Variants in CACNA2D4 observed in about 807,000 individuals in gnomAD.
CACNA2D4 encodes the protein voltage-dependent calcium channel subunit alpha-2/delta-4.
In CACNA2D4, 157 loss-of-function variants were observed where a neutral mutation model predicts 163.8. The ratio of observed to expected loss-of-function variants is 0.96; its 90% CI spans 0.84 to 1.09. The LOEUF is 1.09. CACNA2D4 is among the 50% of genes least tolerant of loss of function. The pLI is 0.00. For missense variants in CACNA2D4, 1,410 were observed against 1,479.9 expected, an observed-to-expected ratio of 0.95 and a Z score of 0.78; for synonymous variants, 598 against 586.9, an observed-to-expected ratio of 1.02 and a Z score of -0.27.
rs1255534327 is a variant in CACNA2D4, at chr12:1,792,190, A to C, written c.*1465T>G. The C allele has an allele frequency of 6.6e-6, 1 of 151,328 alleles. No homozygotes were observed. Among genetic ancestry groups the C allele is most frequent in the African/African-American group, 2.4e-5 (1 of 41,342 alleles). 9.4% of individuals were successfully genotyped at this position (151,328 alleles called of 1,614,324 possible). A position where few individuals can be genotyped will look rare whatever the true frequency, so the allele number is the denominator to read the frequency against. On this transcript the variant is annotated 3_prime_UTR_variant, in exon 38 of 38. Coordinates refer to ENST00000382722, the MANE Select transcript of CACNA2D4 (RefSeq NM_172364.5). ...ATGTTATTTGGTACATGTAAACCTTAGCTGTTCTAGCATTATTCTGCCACT... is the reference window on the plus strand; with the variant it reads ...ATGTTATTTGGTACATGTAAACCTTCGCTGTTCTAGCATTATTCTGCCACT...
At chr12:1,915,112 T>TAC (rs1866934842) in intron 1 of CACNA2D4, 177 bp from the exon 2 acceptor site, 1 of 705,462 alleles carries the variant, frequency 1.4e-6, no homozygotes, top group Non-Finnish European at 2.6e-6. Flanking sequence ...CACACACACG[T>TAC]ACACACACAT....
chr12:1,849,171 C>T (rs958541374), intron 23 of CACNA2D4, among the ~76,000 whole-genome samples: 71 of 152,312 alleles, frequency 4.7e-4, no homozygotes, highest in African/African-American at 1.3e-3. Context: ...GCACTTGCTG[C>T]GGTGGGCCCT....
In CACNA2D4 at chr12:1,793,678, G is replaced by C; in HGVS notation, c.3391C>G (p.Leu1131Val). Residue 1131 changes from leucine (L) to valine (V), a missense_variant, in exon 38 of 38, where the codon CTA becomes GTA. Leu to Val is a conservative substitution (Grantham distance 32). Transcript: ENST00000382722. ...LLLLPVCAWG[L>V]LPQLLR The stretch of plus-strand genomic sequence containing the variant: ...TGTCACCGCAGGAGTTGGGGCAGTA[G>C]CCCCCAGGCACACACAGGCAGCAGG... 1 of 1,613,824 alleles carries C rather than the reference G, an allele frequency of 6.2e-7. No homozygotes were observed. Among genetic ancestry groups the C allele is most frequent in the African/African-American group, 1.3e-5 (1 of 75,064 alleles).
In CACNA2D4 at chr12:1,864,970, C is replaced by T. The variant is rs557330939; in HGVS notation, c.1879-4764G>A. ...AAGCCCAGGACCGTGGTGCCCTCGC[C>T]GCGCCGCTCCCGGGTCTCCAGGTGG... On this transcript the variant is annotated intron_variant, in intron 18 of 37. Coordinates refer to ENST00000382722, the MANE Select transcript of CACNA2D4 (RefSeq NM_172364.5). Among the ~76,000 whole-genome samples, 589 of 152,204 alleles carry T rather than the reference C, an allele frequency of 3.9e-3. 2 individuals are homozygous for T. Among genetic ancestry groups the T allele is most frequent in the Non-Finnish European group, 6.8e-3 (465 of 68,002 alleles).
Position 1,869,955 on chromosome 12 carries a change from G to A in CACNA2D4, c.1878+4649C>T, listed in dbSNP as rs1393714101. Among the ~76,000 whole-genome samples the A allele has an allele frequency of 6.6e-6, 1 of 152,188 alleles. No individual in the cohort carries two copies. The highest frequency in any genetic ancestry group is 2.4e-5 in the African/African-American group (1 of 41,442). ...TAGATACTCTTGTCTTCCTTTGAAGGTGTTTTTGTATTAAGCAGTAGTTAA... is the reference window on the plus strand; with the variant it reads ...TAGATACTCTTGTCTTCCTTTGAAGATGTTTTTGTATTAAGCAGTAGTTAA... On this transcript the variant is annotated intron_variant, in intron 18 of 37. Coordinates refer to ENST00000382722, the MANE Select transcript of CACNA2D4 (RefSeq NM_172364.5). The surrounding 1 kb of genome is among the most constrained non-coding windows in gnomAD (Gnocchi z 4.7).
intron 18 of CACNA2D4, among the ~76,000 whole-genome samples, chr12:1,866,632 T>C (rs1046698249): frequency 6.6e-6 from 1 of 152,122 alleles, no homozygotes; most frequent in Non-Finnish European, 1.5e-5. Context: ...TTTTGTTGTT[T>C]GTTTTGGAGA....
Position 1,894,565 on chromosome 12 carries a change from G to C in CACNA2D4, c.782-7496C>G, listed in dbSNP as rs138086539. 7.2e-4 allele frequency among the ~76,000 whole-genome samples: 109 copies of C among 152,086 alleles called. No homozygotes were observed. The East Asian group carries it at 0.014, about 20-fold the overall frequency. On this transcript the variant is annotated intron_variant, in intron 6 of 37. Transcript: ENST00000382722. ...CATGATCAAGTGGGATTTATACTAG[G>C]GATGCAAGGATGGTTCAACATATGC...
rs867436527 is a variant in CACNA2D4, at chr12:1,916,196, A to G, written c.228-1261T>C. On this transcript the variant is annotated intron_variant, in intron 1 of 37. Coordinates refer to ENST00000382722, the MANE Select transcript of CACNA2D4 (RefSeq NM_172364.5). ...GTTACTGAATACAATTAAGACTATC[A>G]GGAAGGGCAGGGGGAATGAGCTGAG... Among the ~76,000 whole-genome samples the G allele has an allele frequency of 5.3e-5, 8 of 152,158 alleles. No individual in the cohort carries two copies. The East Asian group carries it at 1.5e-3, about 29-fold the overall frequency.
intron 26 of CACNA2D4, among the ~76,000 whole-genome samples, chr12:1,831,697 G>A (rs932652570): frequency 6.6e-6 from 1 of 152,074 alleles, no homozygotes; most frequent in African/African-American, 2.4e-5. Context: ...CCCCTCACAT[G>A]AGCCATCACC....
chr12:1,908,093 A>AGAGAGGAAGAGAAACGGCGCAGGT, intron 4 of CACNA2D4, 56 bp from the exon 5 acceptor site: 1 of 1,541,680 alleles, frequency 6.5e-7, no homozygotes, highest in Non-Finnish European at 8.8e-7. Flanking sequence ...ACAGGCGGAG[A>AGAGAGGAAGAGAAACGGCGCAGGT]GAGAGGAAGA....
chr12:1,800,964 G>C, intron 31 of CACNA2D4, 79 bp downstream of exon 31: 1 of 1,358,342 alleles, frequency 7.4e-7, no homozygotes, highest in South Asian at 1.2e-5. Context: ...GGTGAGAACA[G>C]GGACCAGTGA....
At chr12:1,859,823 G>A (rs1865483543) in intron 19 of CACNA2D4, among the ~76,000 whole-genome samples, 2 of 152,268 alleles carry the variant, frequency 1.3e-5, no homozygotes, top group Non-Finnish European at 2.9e-5. Context: ...AAGGCAGCTT[G>A]GCTGCTGGAC....
At chr12:1,904,965 A>C (rs529638624) in intron 6 of CACNA2D4, among the ~76,000 whole-genome samples, 1 of 152,078 alleles carries the variant, frequency 6.6e-6, no homozygotes, top group African/African-American at 2.4e-5. Context: ...CAGCATGGAT[A>C]AAACATAAAA....
chr12:1,847,570 C>T (rs900413031), intron 23 of CACNA2D4, among the ~76,000 whole-genome samples: 2 of 152,164 alleles, frequency 1.3e-5, no homozygotes, highest in African/African-American at 2.4e-5. Flanking sequence ...ACAGGGTGGG[C>T]ATGGGAGTCA....
chr12:1,846,030 C>T (rs1021769629), intron 24 of CACNA2D4, among the ~76,000 whole-genome samples: 2 of 152,146 alleles, frequency 1.3e-5, no homozygotes, highest in Admixed American at 1.3e-4. Flanking sequence ...GGACTCCTAC[C>T]AGGTAGAGTA....
chr12:1,864,471 G>T (rs1865596882), intron 18 of CACNA2D4, among the ~76,000 whole-genome samples: 1 of 152,222 alleles, frequency 6.6e-6, no homozygotes, highest in African/African-American at 2.4e-5. Context: ...CATCCCATTT[G>T]ATGAAGCACA....
chr12:1,894,499 T>G (rs1364694596), intron 6 of CACNA2D4, among the ~76,000 whole-genome samples: 1 of 152,104 alleles, frequency 6.6e-6, no homozygotes, highest in Admixed American at 6.6e-5. Flanking sequence ...AACAAAATAC[T>G]AGCAAGCCAA....
intron 26 of CACNA2D4, among the ~76,000 whole-genome samples, chr12:1,816,482 CCCTCCCTCCTGT>C (rs147678550): frequency 0.095 from 14,422 of 152,184 alleles, 808 homozygotes; most frequent in Admixed American, 0.19. Flanking sequence ...TGGGTCCCTT[CCCTCCCTCCTGT>C]CCTCCCTCTC....
In CACNA2D4 at chr12:1,878,249, G is replaced by A. The variant is rs961405981; in HGVS notation, c.1719+66C>T. On this transcript the variant is annotated intron_variant, in intron 16 of 37. Coordinates refer to ENST00000382722, the MANE Select transcript of CACNA2D4 (RefSeq NM_172364.5). This position sits in a 1 kb window ranked among gnomAD's most constrained non-coding sequence, Gnocchi z 4.6. ...CCAATGTGTGTTTGTTGTTTTAATC[G>A]TTTTTGTGAATTACCCCCAAATCCC... 125 of 1,537,528 alleles carry A rather than the reference G, an allele frequency of 8.1e-5. No individual in the cohort carries two copies. Among genetic ancestry groups the A allele is most frequent in the East Asian group, 1.7e-4 (7 of 41,638 alleles).
Sources: allele counts gnomAD v4.1 joint callset (sites outside exome capture counted in the v4.1 genomes callset), GRCh38; gene constraint gnomAD v4.1.1; non-coding constraint Gnocchi (gnomAD v3.1); transcripts MANE v1.5; gene names NCBI Gene and HGNC (gene_info 2026-07-23, HGNC 2026-07-21).